PRKN: variants seen among roughly 807,000 people sequenced by gnomAD.
PRKN encodes the protein E3 ubiquitin-protein ligase parkin.
A neutral mutation model predicts 59.5 loss-of-function variants in PRKN; 56 were observed. That is an observed-to-expected ratio of 0.94 (90% confidence interval 0.76 to 1.18). PRKN has a LOEUF of 1.18. Ranked by LOEUF, PRKN falls within the 50% of genes most tolerant of loss-of-function variation. The probability of loss-of-function intolerance (pLI) is 0.00; values close to 1 mark genes in which losing one functional copy is unlikely to be tolerated. For synonymous variants in PRKN, 250 were observed against 222.1 expected, an observed-to-expected ratio of 1.13 and a Z score of -1.12; for missense variants, 657 against 596.4, an observed-to-expected ratio of 1.10 and a Z score of -1.06.
intron 3 of PRKN, among the ~76,000 whole-genome samples, chr6:162,245,742 T>C (rs1304713495): frequency 6.6e-6 from 1 of 152,152 alleles, no homozygotes; most frequent in Non-Finnish European, 1.5e-5. Context: ...TGGTTTTGCT[T>C]GGAGCACAGA....
intron 6 of PRKN, among the ~76,000 whole-genome samples, chr6:161,954,247 G>A (rs1780091506): frequency 6.6e-6 from 1 of 152,132 alleles, no homozygotes; most frequent in Admixed American, 6.5e-5. Flanking sequence ...GTGCTGCAGC[G>A]CTGAGCAGTA....
rs1439558463 is a variant in PRKN at position 161,588,919 on chromosome 6, T to C, written c.872-19503A>G. On this transcript the variant is annotated intron_variant, in intron 7 of 11. Coordinates refer to ENST00000366898, the MANE Select transcript of PRKN (RefSeq NM_004562.3). This position sits in a 1 kb window ranked among gnomAD's most constrained non-coding sequence, Gnocchi z 5.0. ...TAGCCTAAGCCTGACCCAGATATTT[T>C]TGTTAACCTGAAATGCAAATGTAAC... Among the ~76,000 whole-genome samples the C allele has an allele frequency of 6.6e-6, 1 of 152,206 alleles. No homozygotes were observed. Among genetic ancestry groups the C allele is most frequent in the Non-Finnish European group, 1.5e-5 (1 of 68,046 alleles).
chr6:162,615,639 C>T (rs1318271661), intron 1 of PRKN, among the ~76,000 whole-genome samples: 1 of 152,128 alleles, frequency 6.6e-6, no homozygotes, highest in Non-Finnish European at 1.5e-5. Context: ...ATTGCATGTG[C>T]CATCTGTAAA....
chr6:161,703,787 C>T (rs73783342), intron 7 of PRKN, among the ~76,000 whole-genome samples: 19 of 148,482 alleles, frequency 1.3e-4, no homozygotes, highest in African/African-American at 4.7e-4. Flanking sequence ...TCAGTTTCTA[C>T]CAGCTGGAAT....
At chr6:162,312,274 C>G (rs1294373848) in intron 2 of PRKN, among the ~76,000 whole-genome samples, 1 of 152,090 alleles carries the variant, frequency 6.6e-6, no homozygotes, top group African/African-American at 2.4e-5. Context: ...TTGACCAGTT[C>G]TTTCCATAAG....
chr6:162,489,540 G>C (rs973658365), intron 1 of PRKN, among the ~76,000 whole-genome samples: 1 of 152,132 alleles, frequency 6.6e-6, no homozygotes, highest in Non-Finnish European at 1.5e-5. Context: ...ATCAATCTTT[G>C]TTTTGAGTCC....
intron 2 of PRKN, among the ~76,000 whole-genome samples, chr6:162,410,113 C>A (rs1788277273): frequency 6.6e-6 from 1 of 152,176 alleles, no homozygotes; most frequent in South Asian, 2.1e-4. Flanking sequence ...TAACATTTCT[C>A]TGTAGAGATC....
At chr6:161,685,652 A>G (rs1411146038) in intron 7 of PRKN, among the ~76,000 whole-genome samples, 1 of 152,234 alleles carries the variant, frequency 6.6e-6, no homozygotes, top group Non-Finnish European at 1.5e-5. Context: ...GTCACAGCCA[A>G]GTACGAGCCT....
At chr6:162,023,790 G>A (rs115071986) in intron 5 of PRKN, among the ~76,000 whole-genome samples, 1 of 152,130 alleles carries the variant, frequency 6.6e-6, no homozygotes, top group African/African-American at 2.4e-5. Flanking sequence ...CAGGGACCAC[G>A]CCCTCCTTTA....
At chr6:161,747,638 C>T (rs896490322) in intron 7 of PRKN, among the ~76,000 whole-genome samples, 4 of 152,168 alleles carry the variant, frequency 2.6e-5, no homozygotes, top group Non-Finnish European at 4.4e-5. Context: ...AGGTCCTTAC[C>T]GGATTACTGC....
rs114896835 is a variant in PRKN at position 161,456,218 on chromosome 6, G to A, written c.1084-69341C>T. Among the ~76,000 whole-genome samples, 2,669 of 152,248 alleles carry A rather than the reference G, an allele frequency of 0.018. 85 individuals are homozygous for A. The highest frequency in any genetic ancestry group is 0.061 in the African/African-American group (2,518 of 41,532). ...GGCAGACCCACCCTCAGTCAGGATG[G>A]GCGAAATTGAATCGGCTGCCAGTGC... On this transcript the variant is annotated intron_variant, in intron 9 of 11. Coordinates refer to ENST00000366898, the MANE Select transcript of PRKN (RefSeq NM_004562.3). This position sits in a 1 kb window ranked among gnomAD's most constrained non-coding sequence, Gnocchi z 4.8.
At chr6:161,810,997 C>G (rs2128213463) in intron 6 of PRKN, among the ~76,000 whole-genome samples, 1 of 152,194 alleles carries the variant, frequency 6.6e-6, no homozygotes, top group South Asian at 2.1e-4. Flanking sequence ...AGAGGGAAGA[C>G]TATCTGGTAA....
At chr6:161,745,682 G>C (rs1336386230) in intron 7 of PRKN, among the ~76,000 whole-genome samples, 1 of 152,298 alleles carries the variant, frequency 6.6e-6, no homozygotes, top group East Asian at 1.9e-4. Flanking sequence ...AAATCCAGTA[G>C]ACTTTCCAGA....
intron 7 of PRKN, among the ~76,000 whole-genome samples, chr6:161,673,026 C>A (rs1274135076): frequency 6.6e-6 from 1 of 152,128 alleles, no homozygotes; most frequent in African/African-American, 2.4e-5. Flanking sequence ...AACTATAAAG[C>A]AACAGGACTG....
chr6:162,451,921 G>C (rs1343246640), intron 1 of PRKN, among the ~76,000 whole-genome samples: 1 of 152,154 alleles, frequency 6.6e-6, no homozygotes, highest in Non-Finnish European at 1.5e-5. Context: ...GAACGTGCTT[G>C]TGTCAAGGCA....
In PRKN at chr6:161,353,965, A is replaced by T. The variant is rs1784657742; in HGVS notation, c.1286-3754T>A. ...GAAGTCTTCTGTGCTGACTGTTGTT[A>T]TTGAATGAGAGAATAGAAGAAGCAT... On this transcript the variant is annotated intron_variant, in intron 11 of 11. Transcript: ENST00000366898. The surrounding 1 kb of genome is among the most constrained non-coding windows in gnomAD (Gnocchi z 4.8). Among the ~76,000 whole-genome samples the T allele has an allele frequency of 6.6e-6, 1 of 152,210 alleles. No individual in the cohort carries two copies. Among genetic ancestry groups the T allele is most frequent in the Admixed American group, 6.5e-5 (1 of 15,286 alleles).
chr6:161,879,425 G>A lies in PRKN; in HGVS notation c.735-93517C>T, dbSNP rs1794850139. 2.1e-5 allele frequency among the ~76,000 whole-genome samples: 3 copies of A among 142,892 alleles called. No individual in the cohort carries two copies. In the Admixed American group the frequency reaches 2.3e-4, roughly 11 times the overall value. 93.7% of individuals were successfully genotyped at this position (142,892 alleles called of 152,430 possible). Reference sequence around the variant, plus strand: ...TACAGTGGTGCAATCTTGGCTCACTGCAACCTCCGCCTTCCAGGTTCAAGC... The same window carrying A: ...TACAGTGGTGCAATCTTGGCTCACTACAACCTCCGCCTTCCAGGTTCAAGC... On this transcript the variant is annotated intron_variant, in intron 6 of 11. Coordinates refer to ENST00000366898, the MANE Select transcript of PRKN (RefSeq NM_004562.3).
At chr6:162,042,816 G>A (rs1056676285) in intron 5 of PRKN, among the ~76,000 whole-genome samples, 1 of 152,086 alleles carries the variant, frequency 6.6e-6, no homozygotes, top group Non-Finnish European at 1.5e-5. Flanking sequence ...TAATTCTTGT[G>A]AACATCAGTA....
chr6:162,699,137 A>C lies in PRKN; in HGVS notation c.7+28525T>G, dbSNP rs146237826. On this transcript the variant is annotated intron_variant, in intron 1 of 11. Transcript: ENST00000366898. Reference sequence around the variant, plus strand: ...TGTCTTACATGTCAATATGCTTTAGATCATTTCAGGTAAAGTAATTAAGCA... The same window carrying C: ...TGTCTTACATGTCAATATGCTTTAGCTCATTTCAGGTAAAGTAATTAAGCA... 1.2e-3 allele frequency among the ~76,000 whole-genome samples: 182 copies of C among 152,332 alleles called. 2 individuals carry two copies. In the East Asian group the frequency reaches 0.029, roughly 24 times the overall value.
Sources: allele counts gnomAD v4.1 joint callset (sites outside exome capture counted in the v4.1 genomes callset), GRCh38; gene constraint gnomAD v4.1.1; non-coding constraint Gnocchi (gnomAD v3.1); transcripts MANE v1.5; gene names NCBI Gene and HGNC (gene_info 2026-07-23, HGNC 2026-07-21).